The following TRPV4 variants were observed in gnomAD, a reference collection of about 807,000 sequenced individuals.
The protein encoded by TRPV4 is OSM9-like transient receptor potential channel 4.
TRPV4 carries 58 observed loss-of-function variants against 84.1 expected under a neutral mutation model. The ratio of observed to expected loss-of-function variants is 0.69; its 90% CI spans 0.56 to 0.86. TRPV4 has a LOEUF of 0.86. TRPV4 is among the 40% of genes least tolerant of loss of function. The pLI is 0.00. For synonymous variants in TRPV4, 489 were observed against 500.9 expected (o/e 0.98, Z 0.32); for missense variants, 879 against 1,181.1 (o/e 0.74, Z 3.75).
chr12:109,817,603 T>C (rs1396738436), intron 1 of TRPV4, among the ~76,000 whole-genome samples: 1 of 152,234 alleles, frequency 6.6e-6, no homozygotes, highest in African/African-American at 2.4e-5. Context: ...ATGGCTGCTG[T>C]GTGGCCTTCG....
intron 4 of TRPV4, among the ~76,000 whole-genome samples, chr12:109,802,667 G>A (rs1890873022): frequency 6.8e-6 from 1 of 146,456 alleles, no homozygotes; most frequent in Non-Finnish European, 1.5e-5. Context: ...TGTTGCCCAT[G>A]CTGGTCTTGA....
rs759728459 is a variant in TRPV4 at position 109,808,424 on chromosome 12, G to C, written c.431C>G (p.Pro144Arg). Residue 144 changes from proline to arginine, a missense_variant, in exon 3 of 16, where the codon CCC becomes CGC. Around this residue, in one of 4 missense-constraint regions of TRPV4, gnomAD observed 521 missense variants for 686.6 expected, o/e 0.76. Transcript: ENST00000261740. ...AGGCCGGTTGAAGACTTTGAGGATG[G>C]GGGGCGGCTGAGGGGCAGGGGCTTT... is the stretch of plus-strand genomic sequence containing the variant. ...SPKAPAPQPP[P>R]ILKVFNRPIL... is the part of the protein sequence containing the mutation. 1.2e-6 allele frequency: 2 copies of C among 1,614,098 alleles called. No individual in the cohort carries two copies. The highest frequency in any genetic ancestry group is 1.7e-6 in the Non-Finnish European group (2 of 1,179,988).
In TRPV4 at chr12:109,784,439, T is replaced by G. The variant is rs1273519127; in HGVS notation, c.2337-2A>C. 1 of 1,614,134 alleles carries G rather than the reference T, an allele frequency of 6.2e-7. No individual in the cohort carries two copies. The highest frequency in any genetic ancestry group is 8.5e-7 in the Non-Finnish European group (1 of 1,180,004). ...TGAGACCAGTTCACCTCATCCACCC[T>G]GGCAGGGCCCAAGCAGAGGGTCATG... is the stretch of plus-strand genomic sequence containing the variant. On this transcript the variant is annotated splice_acceptor_variant, in intron 14 of 15. Coordinates refer to ENST00000261740, the MANE Select transcript of TRPV4 (RefSeq NM_021625.5). LOFTEE classifies it high-confidence loss of function.
At chr12:109,787,545 A>C (rs1217737971) in intron 13 of TRPV4, among the ~76,000 whole-genome samples, 1 of 152,058 alleles carries the variant, frequency 6.6e-6, no homozygotes, top group Non-Finnish European at 1.5e-5. Context: ...CAGAGGTTGC[A>C]GTGAGCCAAG....
In TRPV4 at chr12:109,784,306, C is replaced by A. The variant is rs1186045219; in HGVS notation, c.2458+10G>T. Reference sequence around the variant, plus strand: ...CTGGGGCTCCCCTCCGCACCCGCCCCTCCACTCACCCCTGCGGAGGCGGCC... The same window carrying A: ...CTGGGGCTCCCCTCCGCACCCGCCCATCCACTCACCCCTGCGGAGGCGGCC... On this transcript the variant is annotated intron_variant, in intron 15 of 15. Coordinates refer to ENST00000261740, the MANE Select transcript of TRPV4 (RefSeq NM_021625.5). 6.2e-7 allele frequency: 1 copy of A among 1,614,154 alleles called. No homozygotes were observed.
At chr12:109,787,292 T>G (rs755631311) in intron 13 of TRPV4, among the ~76,000 whole-genome samples, 3 of 152,170 alleles carry the variant, frequency 2.0e-5, no homozygotes, top group Non-Finnish European at 4.4e-5. Flanking sequence ...AGTTTTTTGT[T>G]GTTGTTGTTG....
rs138396764 is a variant in TRPV4, at chr12:109,783,632, C to A, written c.2605G>T (p.Ala869Ser). Residue 869 changes from alanine (A) to serine (S), a missense_variant, in exon 16 of 16, where the codon GCC (alanine) becomes TCC (serine). Ala to Ser is a moderately conservative substitution (Grantham distance 99). Coordinates refer to ENST00000261740, the MANE Select transcript of TRPV4 (RefSeq NM_021625.5). The surrounding 1 kb of genome is among the most constrained non-coding windows in gnomAD (Gnocchi z 4.6). ...CTGGGCTGCAGTCCCTAGAGCGGGG[C>A]GTCATCAGTCCTCCACTTGCGGGGG... ...GYPRKWRTDD[A>S]PL The A allele has an allele frequency of 2.5e-6, 4 of 1,613,316 alleles. No individual in the cohort carries two copies. Among genetic ancestry groups the A allele is most frequent in the South Asian group, 2.2e-5 (2 of 91,032 alleles).
In TRPV4 at chr12:109,783,540, G is replaced by T; in HGVS notation, c.*81C>A. ...CCTCTGGGGCCAAAGCAGGGTGTGG[G>T]GGGACACCCCAGAAGGCACTGCTGA... On this transcript the variant is annotated 3_prime_UTR_variant, in exon 16 of 16. Coordinates refer to ENST00000261740, the MANE Select transcript of TRPV4 (RefSeq NM_021625.5). This position sits in a 1 kb window ranked among gnomAD's most constrained non-coding sequence, Gnocchi z 4.6. 1 of 1,542,986 alleles carries T rather than the reference G, an allele frequency of 6.5e-7. No homozygotes were observed. The highest frequency in any genetic ancestry group is 1.8e-5 in the Admixed American group (1 of 56,194).
rs138362642 is a variant in TRPV4 at position 109,829,976 on chromosome 12, C to A, written c.-32+3374G>T. Among the ~76,000 whole-genome samples, 106 of 152,290 alleles carry A rather than the reference C, an allele frequency of 7.0e-4. 1 individual carries two copies. The highest frequency in any genetic ancestry group is 3.4e-3 in the Middle Eastern group (1 of 294). On this transcript the variant is annotated intron_variant, in intron 1 of 15. Transcript: ENST00000261740. ...CACTACAGGTGCGTGCTACCACGTT[C>A]GGCTAATTTTTGTATTTTTTCTAGA... is the stretch of plus-strand genomic sequence containing the variant.
intron 1 of TRPV4, among the ~76,000 whole-genome samples, chr12:109,816,976 C>T (rs1044503526): frequency 3.3e-5 from 5 of 152,176 alleles, no homozygotes; most frequent in Admixed American, 6.5e-5. Flanking sequence ...CTCTGTCTGC[C>T]CCGTGGTTTT....
chr12:109,821,080 T>C (rs906546531), intron 1 of TRPV4, among the ~76,000 whole-genome samples: 1 of 152,202 alleles, frequency 6.6e-6, no homozygotes, highest in Admixed American at 6.5e-5. Context: ...TGGCAAACAT[T>C]TGTCAAATCC....
At position 109,783,215 on chromosome 12, in the gene TRPV4, G is replaced by A. The variant is rs1232439988; in HGVS notation, c.*406C>T. The A allele has an allele frequency of 1.0e-5, 2 of 190,492 alleles. No homozygotes were observed. The highest frequency in any genetic ancestry group is 2.2e-5 in the Non-Finnish European group (2 of 93,022). 11.8% of individuals were successfully genotyped at this position (190,492 alleles called of 1,614,324 possible). ...AGCTGCCACGCTGCCAAAAATGGTG[G>A]CGCATGCAGCTCAGGCGCAGGCTGA... On this transcript the variant is annotated 3_prime_UTR_variant, in exon 16 of 16. Transcript: ENST00000261740. This position sits in a 1 kb window ranked among gnomAD's most constrained non-coding sequence, Gnocchi z 4.6.
Position 109,798,694 on chromosome 12 carries a change from G to A in TRPV4, c.1072C>T (p.Pro358Ser), listed in dbSNP as rs761108551. Residue 358 changes from proline to serine, a missense_variant, in exon 6 of 16, where the codon CCC becomes TCC. Physicochemically the swap from Pro to Ser is moderately conservative, Grantham distance 74. Transcript: ENST00000261740. The surrounding 1 kb of genome is among the most constrained non-coding windows in gnomAD (Gnocchi z 5.0). The stretch of plus-strand genomic sequence containing the variant: ...AGCACGGCCTCCAGGTTGCTGTCGG[G>A]GAAGAGGCGGGCACACTTGAGCAGC... ...LLLLKCARLF[P>S]DSNLEAVLNN... The A allele has an allele frequency of 2.5e-6, 4 of 1,613,948 alleles. No individual in the cohort carries two copies. Among genetic ancestry groups the A allele is most frequent in the Non-Finnish European group, 3.4e-6 (4 of 1,180,050 alleles).
rs961466583 is a variant in TRPV4 at position 109,784,569 on chromosome 12, C to T, written c.2337-132G>A. The T allele has an allele frequency of 4.3e-6, 6 of 1,380,778 alleles. No homozygotes were observed. In the African/African-American group the frequency reaches 5.7e-5, roughly 13 times the overall value. 85.5% of individuals were successfully genotyped at this position (1,380,778 alleles called of 1,614,324 possible). ...ACAAGGCTGGGCGTGGTGGCTCATG[C>T]CTGCAATCCCAGCACTTTGGGAGGC... is the stretch of plus-strand genomic sequence containing the variant. On this transcript the variant is annotated intron_variant, in intron 14 of 15. Coordinates refer to ENST00000261740, the MANE Select transcript of TRPV4 (RefSeq NM_021625.5).
At chr12:109,820,514 C>CTTTTTTTCT (rs1186445597) in intron 1 of TRPV4, among the ~76,000 whole-genome samples, 1 of 123,078 alleles carries the variant, frequency 8.1e-6, no homozygotes, top group Non-Finnish European at 1.7e-5. Flanking sequence ...TTCAGCTGCC[C>CTTTTTTTCT]TATTTTTTTT....
chr12:109,802,838 G>GCATCCATCCATCCATC (rs111807515), intron 4 of TRPV4, among the ~76,000 whole-genome samples, 153 bp downstream of exon 4: 4 of 151,202 alleles, frequency 2.6e-5, no homozygotes, highest in Non-Finnish European at 5.9e-5. Context: ...ATGCATCCAT[G>GCATCCATCCATCCATC]CATCCATCCA....
chr12:109,802,894 G>C lies in TRPV4; in HGVS notation c.712+97C>G, dbSNP rs554400577. On this transcript the variant is annotated intron_variant, in intron 4 of 15. Coordinates refer to ENST00000261740, the MANE Select transcript of TRPV4 (RefSeq NM_021625.5). ...TTTGTCAGGTCCTGGGTACATGCTG[G>C]CACTTAGGCCCAGATCAAAAGTCTC... 1.9e-4 allele frequency: 246 copies of C among 1,305,972 alleles called. 1 individual carries two copies. The highest frequency in any genetic ancestry group is 5.7e-4 in the Admixed American group (33 of 58,096). The allele number at this position is 1,305,972 out of a possible 1,614,324, so 80.9% of individuals were successfully genotyped here.
intron 1 of TRPV4, among the ~76,000 whole-genome samples, chr12:109,828,014 C>T (rs1354873046): frequency 1.3e-5 from 2 of 152,228 alleles, no homozygotes; most frequent in East Asian, 3.9e-4. Flanking sequence ...ACCCAGGCCA[C>T]TCCACCCTCA....
At chr12:109,826,774 G>A (rs989187625) in intron 1 of TRPV4, among the ~76,000 whole-genome samples, 22 of 152,128 alleles carry the variant, frequency 1.4e-4, no homozygotes, top group African/African-American at 5.1e-4. Flanking sequence ...GGCCCCAGAC[G>A]GATCACTTGA....
Sources: allele counts gnomAD v4.1 joint callset (sites outside exome capture counted in the v4.1 genomes callset), GRCh38; gene constraint gnomAD v4.1.1; regional missense constraint gnomAD v4.1.1; non-coding constraint Gnocchi (gnomAD v3.1); transcripts MANE v1.5; gene names NCBI Gene and HGNC (gene_info 2026-07-23, HGNC 2026-07-21).